The following FLT3LG variants were observed in gnomAD, a reference collection of about 807,000 sequenced individuals.
FLT3LG encodes fms-related tyrosine kinase 3 ligand.
Under a neutral mutation model 30.9 loss-of-function variants are expected in FLT3LG, and 8 were observed. The observed-to-expected ratio is 0.26, with a 90% CI of 0.15 to 0.47. The LOEUF (loss-of-function observed/expected upper bound fraction) is 0.47, where lower values mean the gene tolerates loss of function less well. Ranked by LOEUF, FLT3LG falls within the 20% of genes least tolerant of loss-of-function variation. FLT3LG has a pLI of 0.99. For synonymous variants in FLT3LG, 123 were observed against 135.9 expected (o/e 0.91, Z 0.66); for missense variants, 278 against 306.2 (o/e 0.91, Z 0.69).
Position 49,476,674 on chromosome 19 carries a change from C to G in FLT3LG, c.342+108C>G. ...GGCGATTTGGACCATAGCCACCCAA[C>G]GAAGGTAGAGCGAGAAGCGCCACCC... On this transcript the variant is annotated intron_variant, in intron 5 of 8. Coordinates refer to ENST00000597551, the MANE Select transcript of FLT3LG (RefSeq NM_001459.4). This position sits in a 1 kb window ranked among gnomAD's most constrained non-coding sequence, Gnocchi z 5.3. The G allele has an allele frequency of 1.4e-6, 2 of 1,480,672 alleles. No individual in the cohort carries two copies. The highest frequency in any genetic ancestry group is 1.2e-5 in the South Asian group (1 of 84,784). 91.7% of individuals were successfully genotyped at this position (1,480,672 alleles called of 1,614,324 possible).
chr19:49,478,920 C>G lies in FLT3LG; in HGVS notation c.354C>G (p.Ser118Arg). The G allele has an allele frequency of 6.5e-7, 1 of 1,539,038 alleles. No individual in the cohort carries two copies. The highest frequency in any genetic ancestry group is 2.6e-5 in the East Asian group (1 of 39,130). ...VTKCAFQPPP[S>R]CLRFVQTNIS... Reference sequence around the variant, plus strand: ...TCCCCTGCTCCCAGCCCCCCCCCAGCTGTCTTCGCTTCGTCCAGACCAACA... The same window carrying G: ...TCCCCTGCTCCCAGCCCCCCCCCAGGTGTCTTCGCTTCGTCCAGACCAACA... The change falls in exon 6 of 9, where the codon AGC becomes AGG. Residue 118 changes from serine to arginine, a missense_variant. Coordinates refer to ENST00000597551, the MANE Select transcript of FLT3LG (RefSeq NM_001459.4).
In FLT3LG at chr19:49,478,911, C is replaced by A. The variant is rs763704897; in HGVS notation, c.345C>A (p.Pro115=). 34 of 1,530,546 alleles carry A rather than the reference C, an allele frequency of 2.2e-5. No individual in the cohort carries two copies. Among genetic ancestry groups the A allele is most frequent in the Non-Finnish European group, 2.8e-5 (32 of 1,136,226 alleles). 94.8% of individuals were successfully genotyped at this position (1,530,546 alleles called of 1,614,324 possible). ...IHFVTKCAFQ[P]PPSCLRFVQT... is the part of the protein sequence containing the mutation. ...ACGTCTCCCTCCCCTGCTCCCAGCC[C>A]CCCCCCAGCTGTCTTCGCTTCGTCC... The change falls in exon 6 of 9, where the codon CCC becomes CCA. Residue 115 remains proline (P), a splice_region_variant and synonymous_variant. Transcript: ENST00000597551.
Position 49,478,932 on chromosome 19 carries a change from C to T in FLT3LG, c.366C>T (p.Phe122=), listed in dbSNP as rs1380556821. The change falls in exon 6 of 9, where the codon TTC becomes TTT. Residue 122 remains phenylalanine (F), a synonymous_variant. Coordinates refer to ENST00000597551, the MANE Select transcript of FLT3LG (RefSeq NM_001459.4). ...AGCCCCCCCCCAGCTGTCTTCGCTT[C>T]GTCCAGACCAACATCTCCCGCCTCC... ...AFQPPPSCLR[F]VQTNISRLLQ... is the part of the protein sequence containing the mutation. The T allele has an allele frequency of 7.1e-6, 11 of 1,551,352 alleles. No individual in the cohort carries two copies. Among genetic ancestry groups the T allele is most frequent in the African/African-American group, 1.4e-5 (1 of 72,534 alleles).
intron 8 of FLT3LG, among the ~76,000 whole-genome samples, chr19:49,485,214 G>A (rs1239384415): frequency 7.3e-5 from 11 of 150,898 alleles, no homozygotes; most frequent in Non-Finnish European, 1.2e-4. Context: ...GTATTAAAGA[G>A]CAAAAATAGA....
intron 5 of FLT3LG, among the ~76,000 whole-genome samples, chr19:49,478,196 C>T (rs928859059): frequency 2.1e-5 from 3 of 142,656 alleles, no homozygotes; most frequent in Non-Finnish European, 4.5e-5. Context: ...AGGCTGGGCA[C>T]GGTGGCTCAC....
chr19:49,474,282 G>C lies in FLT3LG; in HGVS notation c.-38+1G>C. ...TCCACACCCAACTGGGGCAAGCCTG[G>C]TGCGTGAGGAGACTTGGACTCTAGG... On this transcript the variant is annotated splice_donor_variant, in intron 1 of 8. Coordinates refer to ENST00000597551, the MANE Select transcript of FLT3LG (RefSeq NM_001459.4). LOFTEE classifies it low-confidence loss of function (5UTR_SPLICE). 1 of 438,722 alleles carries C rather than the reference G, an allele frequency of 2.3e-6. No individual in the cohort carries two copies. The highest frequency in any genetic ancestry group is 4.1e-6 in the Non-Finnish European group (1 of 241,902). 27.2% of individuals were successfully genotyped at this position (438,722 alleles called of 1,614,324 possible).
chr19:49,485,093 T>C (rs930184884), intron 8 of FLT3LG, among the ~76,000 whole-genome samples: 1 of 151,806 alleles, frequency 6.6e-6, no homozygotes, highest in African/African-American at 2.4e-5. Context: ...AAAAGAAGTT[T>C]AAGTCCAGCC....
intron 6 of FLT3LG, among the ~76,000 whole-genome samples, chr19:49,479,954 A>G (rs113450215): frequency 2.0e-5 from 3 of 151,908 alleles, no homozygotes; most frequent in African/African-American, 7.3e-5. Flanking sequence ...ACAGATGCGC[A>G]TACCATGCCT....
chr19:49,474,508 T>A, intron 1 of FLT3LG, 95 bp from the exon 2 acceptor site: 1 of 824,910 alleles, frequency 1.2e-6, no homozygotes, highest in Non-Finnish European at 1.9e-6. Context: ...CTCAGCCACA[T>A]CAATGGGACG....
chr19:49,480,366 C>G lies in FLT3LG; in HGVS notation c.550C>G (p.Pro184Ala), dbSNP rs2079559808. 1 of 1,610,158 alleles carries G rather than the reference C, an allele frequency of 6.2e-7. No individual in the cohort carries two copies. Among genetic ancestry groups the G allele is most frequent in the African/African-American group, 1.3e-5 (1 of 74,826 alleles). The change falls in exon 7 of 9, where the codon CCC (proline) becomes GCC (alanine). Residue 184 changes from proline (P) to alanine (A), a missense_variant. Physicochemically the swap from Pro to Ala is conservative, Grantham distance 27. Coordinates refer to ENST00000597551, the MANE Select transcript of FLT3LG (RefSeq NM_001459.4). ...LEATAPTAPQ[P>A]PLLLLLLLPV... ...GGCCACAGCCCCGACAGCCCCGCAG[C>G]CCCCTCTGCTCCTCCTACTGCTGCT...
chr19:49,479,225 C>T (rs1391544877), intron 6 of FLT3LG, among the ~76,000 whole-genome samples, 178 bp downstream of exon 6: 1 of 147,080 alleles, frequency 6.8e-6, no homozygotes, highest in African/African-American at 2.5e-5. Flanking sequence ...GACGGAGTCT[C>T]GCACTGTCGC....
At chr19:49,480,655 G>C (rs1470986306) in intron 8 of FLT3LG, 35 bp downstream of exon 8, 1 of 1,570,496 alleles carries the variant, frequency 6.4e-7, no homozygotes, top group Non-Finnish European at 8.7e-7. Context: ...CCTGGACTTT[G>C]TGTCTGCAGG....
chr19:49,484,212 A>C (rs1256726293), intron 8 of FLT3LG, among the ~76,000 whole-genome samples: 1 of 149,076 alleles, frequency 6.7e-6, no homozygotes, highest in Admixed American at 6.7e-5. Context: ...AAGAAAAGGT[A>C]ATACATTGAG....
chr19:49,478,712 G>A (rs979592704), intron 5 of FLT3LG, among the ~76,000 whole-genome samples, 197 bp from the exon 6 acceptor site: 2 of 152,054 alleles, frequency 1.3e-5, no homozygotes, highest in Non-Finnish European at 2.9e-5. Context: ...GGCAGAGGTT[G>A]CATTTCACCA....
At position 49,476,915 on chromosome 19, in the gene FLT3LG, G is replaced by A. The variant is rs1316936922; in HGVS notation, c.342+349G>A. Among the ~76,000 whole-genome samples, 1 of 152,140 alleles carries A rather than the reference G, an allele frequency of 6.6e-6. No homozygotes were observed. Among genetic ancestry groups the A allele is most frequent in the Non-Finnish European group, 1.5e-5 (1 of 68,036 alleles). On this transcript the variant is annotated intron_variant, in intron 5 of 8. Coordinates refer to ENST00000597551, the MANE Select transcript of FLT3LG (RefSeq NM_001459.4). This position sits in a 1 kb window ranked among gnomAD's most constrained non-coding sequence, Gnocchi z 5.3. Reference sequence around the variant, plus strand: ...TAATCCTAGCACTTTGGGAGGCTGAGGTGGGCGGATCACTTGAGGTCAGGA... The same window carrying A: ...TAATCCTAGCACTTTGGGAGGCTGAAGTGGGCGGATCACTTGAGGTCAGGA...
chr19:49,485,099 C>T (rs2079757250), intron 8 of FLT3LG, among the ~76,000 whole-genome samples: 1 of 151,998 alleles, frequency 6.6e-6, no homozygotes, highest in African/African-American at 2.4e-5. Context: ...AGTTTAAGTC[C>T]AGCCTCAAAC....
chr19:49,478,349 C>T (rs1405205749), intron 5 of FLT3LG, among the ~76,000 whole-genome samples: 1 of 151,980 alleles, frequency 6.6e-6, no homozygotes, highest in Non-Finnish European at 1.5e-5. Flanking sequence ...CGCCTGTAGT[C>T]CCAACTACCT....
intron 2 of FLT3LG, among the ~76,000 whole-genome samples, chr19:49,474,923 C>G: frequency 1.4e-5 from 1 of 72,006 alleles, no homozygotes; most frequent in Non-Finnish European, 2.3e-5. Context: ...GGGAGATGGA[C>G]AGGAGCGGGG....
chr19:49,480,175 A>G, intron 6 of FLT3LG, 123 bp from the exon 7 acceptor site: 1 of 661,526 alleles, frequency 1.5e-6, no homozygotes, highest in Non-Finnish European at 2.6e-6. Flanking sequence ...CAGATGAGCA[A>G]ACTGAGGCAC....
Sources: gnomAD v4.1 joint callset for allele counts (sites outside exome capture counted in the v4.1 genomes callset) on GRCh38, gnomAD v4.1.1 for gene constraint, Gnocchi (gnomAD v3.1) non-coding constraint, MANE v1.5 for transcripts, NCBI Gene and HGNC (gene_info 2026-07-23, HGNC 2026-07-21) for gene names.